Variants in MICAL3 observed in about 807,000 individuals in gnomAD.
The protein encoded by MICAL3 is microtubule associated monooxygenase, calponin and LIM domain containing 3.
A neutral mutation model predicts 207.4 loss-of-function variants in MICAL3; 62 were observed. That is an observed-to-expected ratio of 0.30 (90% CI 0.24 to 0.37). The LOEUF (loss-of-function observed/expected upper bound fraction) is 0.37. Among genes scored for constraint, MICAL3 ranks in the 10% least tolerant of loss-of-function variants. The probability of loss-of-function intolerance (pLI) is 1.00; values close to 1 mark genes in which losing one functional copy is unlikely to be tolerated. For synonymous variants in MICAL3, 1,077 were observed against 1,069.3 expected (o/e 1.01, Z -0.14); for missense variants, 2,368 against 2,635.6 (o/e 0.90, Z 2.22).
At chr22:17,959,010 GTT>G (rs34107784) in intron 1 of MICAL3, among the ~76,000 whole-genome samples, 16,643 of 84,960 alleles carry the variant, frequency 0.2, 805 homozygotes, top group Non-Finnish European at 0.22. Context: ...CGGGCCTGGG[GTT>G]TTTTTTTTTT....
At chr22:17,827,609 G>A (rs1255050189) in intron 22 of MICAL3, 35 bp downstream of exon 22, 21 of 1,526,068 alleles carry the variant, frequency 1.4e-5, no homozygotes, top group South Asian at 3.7e-5. Context: ...GGTGGTGCTC[G>A]GGGCACACTG....
Position 17,808,894 on chromosome 22 carries a change from C to A in MICAL3, c.5600G>T (p.Arg1867Leu). 1 of 1,553,734 alleles carries A rather than the reference C, an allele frequency of 6.4e-7. No individual in the cohort carries two copies. Among genetic ancestry groups the A allele is most frequent in the South Asian group, 1.2e-5 (1 of 84,224 alleles). The change falls in exon 29 of 32, where the codon CGG becomes CTG. Residue 1867 changes from arginine to leucine, a missense_variant. Physicochemically the swap from Arg to Leu is moderately radical, Grantham distance 102. Around this residue, in one of 4 missense-constraint regions of MICAL3, gnomAD observed 1,770 missense variants for 1,863.2 expected, o/e 0.95. Coordinates refer to ENST00000441493, the MANE Select transcript of MICAL3 (RefSeq NM_015241.3). ...QLQQVEERQRRLEERGVAVEK... is the reference protein window; with the variant it reads ...QLQQVEERQRLLEERGVAVEK... ...CACAGCCACGCCCCTTTCCTCCAGC[C>A]GCCGCTGCCTCTCCTCCACCTGCTG...
chr22:17,935,310 C>G (rs1602248031), intron 1 of MICAL3, among the ~76,000 whole-genome samples: 1 of 152,152 alleles, frequency 6.6e-6, no homozygotes, highest in East Asian at 1.9e-4. Flanking sequence ...ACAAACCTGA[C>G]AAAAACAAGA....
chr22:17,968,870 A>T (rs1267041443), intron 1 of MICAL3, among the ~76,000 whole-genome samples: 7 of 152,224 alleles, frequency 4.6e-5, no homozygotes, highest in African/African-American at 1.7e-4. Flanking sequence ...AACATTTTAA[A>T]TAGATTTGTA....
chr22:17,866,668 TATAGA>T (rs1556038143), intron 17 of MICAL3, among the ~76,000 whole-genome samples: 6 of 81,994 alleles, frequency 7.3e-5, no homozygotes, highest in Middle Eastern at 0.013. Context: ...TAGAATAGAA[TATAGA>T]ATAGAATAGA....
chr22:17,859,450 G>T (rs1926273809), intron 19 of MICAL3, among the ~76,000 whole-genome samples: 1 of 152,244 alleles, frequency 6.6e-6, no homozygotes, highest in African/African-American at 2.4e-5. Context: ...CACTGCAGCT[G>T]ACAAAATGCG....
At position 17,831,900 on chromosome 22, in the gene MICAL3, C is replaced by CTCT. The variant is rs775963065; in HGVS notation, c.3006_3008dup (p.Glu1007dup). On this transcript the variant is annotated inframe_insertion, in exon 21 of 32. Coordinates refer to ENST00000441493, the MANE Select transcript of MICAL3 (RefSeq NM_015241.3). ...CCTCGTCATAGTCCTCCTCCTCCTC[C>CTCT]TCTTCATATTCTTCCTCCTCCTCCT... The CTCT allele has an allele frequency of 6.4e-7, 1 of 1,556,588 alleles. No homozygotes were observed. Among genetic ancestry groups the CTCT allele is most frequent in the Non-Finnish European group, 8.7e-7 (1 of 1,149,696 alleles).
chr22:17,921,257 G>A (rs1197446547), intron 1 of MICAL3, among the ~76,000 whole-genome samples: 32 of 152,160 alleles, frequency 2.1e-4, no homozygotes. Context: ...AGGCATGAAT[G>A]ACTATTTTTC....
chr22:17,822,287 T>A, intron 23 of MICAL3, 117 bp from the exon 24 acceptor site: 1 of 1,301,832 alleles, frequency 7.7e-7, no homozygotes, highest in Non-Finnish European at 1.0e-6. Context: ...GGTGCAGGCC[T>A]GGAGGCCCTT....
chr22:18,002,450 T>G (rs796331487), intron 1 of MICAL3, among the ~76,000 whole-genome samples: 14 of 151,982 alleles, frequency 9.2e-5, no homozygotes, highest in African/African-American at 3.1e-4. Flanking sequence ...CTTACCAACA[T>G]GGTGAAACCC....
intron 28 of MICAL3, 59 bp downstream of exon 28, chr22:17,810,644 G>A (rs1451349623): frequency 7.4e-7 from 1 of 1,359,712 alleles, no homozygotes; most frequent in Non-Finnish European, 1.1e-6. Flanking sequence ...TGGGTGGATA[G>A]GGAGATGCTG....
intron 1 of MICAL3, among the ~76,000 whole-genome samples, chr22:18,016,185 G>T (rs1289482999): frequency 6.6e-6 from 1 of 152,092 alleles, no homozygotes; most frequent in African/African-American, 2.4e-5. Flanking sequence ...GCATTATGTT[G>T]CGGTTTTGAA....
chr22:17,999,418 G>C lies in MICAL3; in HGVS notation c.-75+24863C>G, dbSNP rs115999944. On this transcript the variant is annotated intron_variant, in intron 1 of 31. Transcript: ENST00000441493. The stretch of plus-strand genomic sequence containing the variant: ...TTTGAGTGGGAGGAGGAATGGGGGG[G>C]ACCTCATTACCCTAATTTAAAAACG... 2.9e-3 allele frequency among the ~76,000 whole-genome samples: 446 copies of C among 152,236 alleles called. 1 individual carries two copies. The highest frequency in any genetic ancestry group is 0.01 in the African/African-American group (424 of 41,532).
intron 19 of MICAL3, chr22:17,862,830 C>A (rs1211095438): frequency 1.0e-6 from 1 of 985,406 alleles, no homozygotes; most frequent in Non-Finnish European, 1.2e-6. Flanking sequence ...CAGCCCTGAG[C>A]TCACTGGCCT....
chr22:17,884,457 C>T (rs752988076), intron 16 of MICAL3: 13 of 860,756 alleles, frequency 1.5e-5, no homozygotes, highest in African/African-American at 1.1e-4. Flanking sequence ...AACTCACAGG[C>T]GACAGCCCCA....
intron 1 of MICAL3, among the ~76,000 whole-genome samples, chr22:17,989,474 C>G (rs1440729430): frequency 6.6e-6 from 1 of 152,228 alleles, no homozygotes; most frequent in East Asian, 1.9e-4. Context: ...CAGACAGAAC[C>G]CGGTACAGCA....
At chr22:17,943,666 G>T (rs775492173) in intron 1 of MICAL3, among the ~76,000 whole-genome samples, 6 of 152,210 alleles carry the variant, frequency 3.9e-5, no homozygotes, top group African/African-American at 1.4e-4. Context: ...TTCCCATCTT[G>T]TTTGATAGCG....
At chr22:17,827,574 C>G (rs1360102064) in intron 22 of MICAL3, 70 bp downstream of exon 22, 25 of 1,476,486 alleles carry the variant, frequency 1.7e-5, no homozygotes, top group Non-Finnish European at 2.2e-5. Context: ...AGAAAGGCCC[C>G]CTGTGGCGAC....
At chr22:17,801,110 C>T (rs7291975) in intron 29 of MICAL3, among the ~76,000 whole-genome samples, 8,727 of 151,028 alleles carry the variant, frequency 0.058, 518 homozygotes, top group East Asian at 0.16. Context: ...AGTGGTGGGG[C>T]ACTGTGTGAT....
Sources: gnomAD v4.1 joint callset for allele counts (sites outside exome capture counted in the v4.1 genomes callset) on GRCh38, gnomAD v4.1.1 for gene constraint, gnomAD v4.1.1 regional missense constraint, MANE v1.5 for transcripts, NCBI Gene and HGNC (gene_info 2026-07-23, HGNC 2026-07-21) for gene names.